NAPEPLD: variants seen among roughly 807,000 people sequenced by gnomAD.
The protein encoded by NAPEPLD is N-acyl-phosphatidylethanolamine-hydrolyzing phospholipase D.
A neutral mutation model predicts 38.1 loss-of-function variants in NAPEPLD; 23 were observed. That is an observed-to-expected ratio of 0.60 (90% CI 0.43 to 0.86). The LOEUF is 0.86. NAPEPLD is among the 40% of genes least tolerant of loss of function. The pLI is 0.00. For synonymous variants in NAPEPLD, 147 were observed against 162.0 expected (o/e 0.91, Z 0.71); for missense variants, 411 against 476.8 (o/e 0.86, Z 1.28).
chr7:103,135,564 C>T (rs139609836), intron 1 of NAPEPLD, among the ~76,000 whole-genome samples: 91 of 152,274 alleles, frequency 6.0e-4, no homozygotes, highest in African/African-American at 1.7e-3. Flanking sequence ...GAACTTCATT[C>T]TTACCACACT....
upstream of NAPEPLD, chr7:103,149,340 T>C (rs1057399179): frequency 1.5e-5 from 17 of 1,149,892 alleles, no homozygotes; most frequent in African/African-American, 1.7e-5. Flanking sequence ...GGCCACAGAG[T>C]CCCCGCGCAA....
chr7:103,148,150 A>C, intron 1 of NAPEPLD: 1 of 940,332 alleles, frequency 1.1e-6, no homozygotes, highest in Non-Finnish European at 1.3e-6. Flanking sequence ...TTTTTAACAA[A>C]CATGGGAATT....
chr7:103,147,175 T>C (rs1204161256), intron 1 of NAPEPLD, among the ~76,000 whole-genome samples: 1 of 152,236 alleles, frequency 6.6e-6, no homozygotes, highest in Non-Finnish European at 1.5e-5. Context: ...GACAGAATTA[T>C]TCAGTAGTAT....
chr7:103,109,404 T>A (rs1462154998), intron 4 of NAPEPLD, among the ~76,000 whole-genome samples: 1 of 152,114 alleles, frequency 6.6e-6, no homozygotes, highest in African/African-American at 2.4e-5. Flanking sequence ...CCACATGCAA[T>A]CAAATTAGAA....
chr7:103,149,024 CT>C lies in NAPEPLD; in HGVS notation c.-231del, dbSNP rs1272066230. The C allele has an allele frequency of 1.0e-6, 1 of 985,324 alleles. No homozygotes were observed. The highest frequency in any genetic ancestry group is 1.2e-6 in the Non-Finnish European group (1 of 829,966). 61.0% of individuals were successfully genotyped at this position (985,324 alleles called of 1,614,324 possible). On this transcript the variant is annotated 5_prime_UTR_variant, in exon 1 of 5. Coordinates refer to ENST00000465647, the MANE Select transcript of NAPEPLD (RefSeq NM_001122838.3). ...GCGGCATCTCCGAGATGAGGGAGGG[CT>C]CGGGGACGGGAAACCCACTCTCAGC...
intron 1 of NAPEPLD, among the ~76,000 whole-genome samples, chr7:103,144,794 T>C (rs1344659476): frequency 1.3e-5 from 2 of 152,024 alleles, no homozygotes; most frequent in Non-Finnish European, 2.9e-5. Flanking sequence ...AGCAGATCAT[T>C]TGAGGCCAGG....
At position 103,130,063 on chromosome 7, in the gene NAPEPLD, GCTTT is replaced by G. The variant is rs1808609873; in HGVS notation, c.-16-1275_-16-1272del. 3.9e-5 allele frequency among the ~76,000 whole-genome samples: 6 copies of G among 152,110 alleles called. No homozygotes were observed. The South Asian group carries it at 1.2e-3, about 32-fold the overall frequency. ...TTCTTTCTTATTCTGTTAAACATTT[GCTTT>G]CTGTTTCATTAGTTTAAATACAGTG... On this transcript the variant is annotated intron_variant, in intron 1 of 4. Transcript: ENST00000465647.
intron 1 of NAPEPLD, among the ~76,000 whole-genome samples, chr7:103,135,221 A>C (rs1395162364): frequency 6.6e-6 from 1 of 152,244 alleles, no homozygotes; most frequent in Non-Finnish European, 1.5e-5. Context: ...AAATAACATT[A>C]AACTTACTAT....
intron 1 of NAPEPLD, among the ~76,000 whole-genome samples, chr7:103,140,367 A>C (rs1585896266): frequency 1.4e-5 from 2 of 142,170 alleles, no homozygotes; most frequent in South Asian, 4.7e-4. Context: ...AGAAGGCCTG[A>C]TCTTGGAATT....
At chr7:103,116,513 T>G (rs935584591) in intron 3 of NAPEPLD, among the ~76,000 whole-genome samples, 1 of 152,202 alleles carries the variant, frequency 6.6e-6, no homozygotes, top group African/African-American at 2.4e-5. Context: ...ACAAAAGAAT[T>G]TGTATGTCCT....
intron 1 of NAPEPLD, among the ~76,000 whole-genome samples, chr7:103,134,822 T>C (rs1809702877): frequency 6.6e-6 from 1 of 152,090 alleles, no homozygotes; most frequent in South Asian, 2.1e-4. Flanking sequence ...CAAAGAGAGG[T>C]CTGGGCTGTG....
rs546524431 is a variant in NAPEPLD at position 103,121,634 on chromosome 7, A to G, written c.295-1411T>C. On this transcript the variant is annotated intron_variant, in intron 2 of 4. Transcript: ENST00000465647. Reference sequence around the variant, plus strand: ...AGCAACGTGCAGCACATGATGGAACATATTTCTATATTAACTTTATTCTTG... The same window carrying G: ...AGCAACGTGCAGCACATGATGGAACGTATTTCTATATTAACTTTATTCTTG... 2.0e-5 allele frequency among the ~76,000 whole-genome samples: 3 copies of G among 152,330 alleles called. 1 individual carries two copies. The South Asian group carries it at 6.2e-4, about 32-fold the overall frequency.
In NAPEPLD at chr7:103,102,851, C is replaced by T. The variant is rs1036097996; in HGVS notation, c.*578G>A. 1 of 152,458 alleles carries T rather than the reference C, an allele frequency of 6.6e-6. No individual in the cohort carries two copies. The highest frequency in any genetic ancestry group is 1.5e-5 in the Non-Finnish European group (1 of 68,016). 9.4% of individuals were successfully genotyped at this position (152,458 alleles called of 1,614,324 possible). A position where few individuals can be genotyped will look rare whatever the true frequency, so the allele number is the denominator to read the frequency against. ...AAAATCAAGTCTTTAAAAATGATAG[C>T]CCCTATGTTTTTATGCTTACCTAAA... On this transcript the variant is annotated 3_prime_UTR_variant, in exon 5 of 5. Transcript: ENST00000465647.
chr7:103,105,703 C>T (rs192364301), intron 4 of NAPEPLD, among the ~76,000 whole-genome samples: 2 of 152,164 alleles, frequency 1.3e-5, no homozygotes, highest in Non-Finnish European at 2.9e-5. Context: ...AAGGCTGAAG[C>T]GGACGGATCA....
upstream of NAPEPLD, among the ~76,000 whole-genome samples, chr7:103,149,881 C>T (rs916320340): frequency 1.3e-5 from 2 of 152,174 alleles, no homozygotes; most frequent in East Asian, 1.9e-4. Context: ...CAGCCTATGG[C>T]GCTAGGATCC....
chr7:103,137,696 G>C (rs1196923668), intron 1 of NAPEPLD, among the ~76,000 whole-genome samples: 1 of 151,838 alleles, frequency 6.6e-6, no homozygotes, highest in Non-Finnish European at 1.5e-5. Context: ...CGCATCTGTA[G>C]TCCCAGCTAC....
In NAPEPLD at chr7:103,115,050, T is replaced by G. The variant is rs756529693; in HGVS notation, c.1056+10A>C. The G allele has an allele frequency of 1.9e-6, 3 of 1,598,740 alleles. No homozygotes were observed. The South Asian group carries it at 3.3e-5, about 18-fold the overall frequency. ...ACACACAAAGTTATTTTTATCGCAA[T>G]CAAACTTACCTCATTTGCTAAGGCA... On this transcript the variant is annotated intron_variant, in intron 4 of 4. Coordinates refer to ENST00000465647, the MANE Select transcript of NAPEPLD (RefSeq NM_001122838.3).
chr7:103,123,741 C>T (rs1414864729), intron 2 of NAPEPLD, among the ~76,000 whole-genome samples: 5 of 152,164 alleles, frequency 3.3e-5, no homozygotes, highest in African/African-American at 1.2e-4. Context: ...GGCAAGGTCA[C>T]CCAGCCAGAC....
chr7:103,145,033 T>G (rs959664163), intron 1 of NAPEPLD, among the ~76,000 whole-genome samples: 6 of 152,028 alleles, frequency 3.9e-5, no homozygotes, highest in Non-Finnish European at 8.8e-5. Flanking sequence ...TTCCTGCATC[T>G]TGGGAACTCC....
Sources: gnomAD v4.1 joint callset for allele counts (sites outside exome capture counted in the v4.1 genomes callset) on GRCh38, gnomAD v4.1.1 for gene constraint, MANE v1.5 for transcripts, NCBI Gene and HGNC (gene_info 2026-07-23, HGNC 2026-07-21) for gene names.